Variants in FRYL observed in about 807,000 individuals in gnomAD.
The protein encoded by FRYL is FRY like transcription coactivator, also known as protein furry homolog-like.
In FRYL, 150 loss-of-function variants were observed where a neutral mutation model predicts 351.2. That is an observed-to-expected ratio of 0.43 (90% CI 0.37 to 0.49). FRYL has a LOEUF of 0.49. FRYL is among the 20% of genes least tolerant of loss of function. The pLI is 0.00. For synonymous variants in FRYL, 1,153 were observed against 1,257.1 expected, an observed-to-expected ratio of 0.92 and a Z score of 1.75; for missense variants, 3,036 against 3,619.3, an observed-to-expected ratio of 0.84 and a Z score of 4.13.
chr4:48,658,855 GA>G (rs11290262), intron 3 of FRYL, among the ~76,000 whole-genome samples: 111,356 of 150,724 alleles, frequency 0.74, 41,278 homozygotes, highest in South Asian at 0.85. Context: ...ATATAAACAA[GA>G]AAAAAAAAAC....
intron 1 of FRYL, among the ~76,000 whole-genome samples, chr4:48,737,383 T>C (rs143597617): frequency 2.5e-4 from 38 of 152,198 alleles, no homozygotes; most frequent in Admixed American, 2.5e-3. Flanking sequence ...ATAATTGAGA[T>C]TAAATGAGCC....
At chr4:48,559,084 C>T (rs1197196381) in intron 33 of FRYL, among the ~76,000 whole-genome samples, 5 of 152,086 alleles carry the variant, frequency 3.3e-5, no homozygotes, top group Admixed American at 6.5e-5. Flanking sequence ...ATTTCTTATT[C>T]GGTAAAAAGA....
At chr4:48,653,906 C>A (rs1758245525) in intron 3 of FRYL, 2 of 1,249,594 alleles carry the variant, frequency 1.6e-6, no homozygotes, top group Non-Finnish European at 2.1e-6. Context: ...TTCTCACAGG[C>A]AGCAGAGTTT....
chr4:48,667,884 G>C (rs796891859), intron 3 of FRYL, among the ~76,000 whole-genome samples: 3 of 152,198 alleles, frequency 2.0e-5, no homozygotes, highest in Non-Finnish European at 4.4e-5. Context: ...CTGGCCTCAG[G>C]TGATCCACCC....
At chr4:48,626,237 CCT>C (rs563366600) in intron 4 of FRYL, among the ~76,000 whole-genome samples, 4 of 151,104 alleles carry the variant, frequency 2.6e-5, no homozygotes, top group African/African-American at 7.3e-5. Context: ...TGTCAATAAA[CCT>C]CTCTCTCTCT....
chr4:48,646,419 GA>G (rs1229346490), intron 3 of FRYL, among the ~76,000 whole-genome samples: 1 of 152,024 alleles, frequency 6.6e-6, no homozygotes, highest in African/African-American at 2.4e-5. Context: ...TTAAAAATTG[GA>G]AAATAGCATG....
chr4:48,612,497 CGTGT>C (rs10657991), intron 7 of FRYL, among the ~76,000 whole-genome samples: 120 of 150,068 alleles, frequency 8.0e-4, no homozygotes, highest in African/African-American at 1.8e-3. Flanking sequence ...TGTGTGTGCA[CGTGT>C]GTGTGTGTGT....
Position 48,522,965 on chromosome 4 carries a change from G to A in FRYL, c.7457C>T (p.Thr2486Ile), listed in dbSNP as rs746197376. 6.2e-7 allele frequency: 1 copy of A among 1,614,032 alleles called. No homozygotes were observed. Among genetic ancestry groups the A allele is most frequent in the Non-Finnish European group, 8.5e-7 (1 of 1,179,914 alleles). Residue 2486 changes from threonine (T) to isoleucine (I), a missense_variant, in exon 54 of 64, where the codon ACA becomes ATA. Physicochemically the swap from Thr to Ile is moderately conservative, Grantham distance 89 (BLOSUM62 -1). Transcript: ENST00000358350. ...PSLNLTNQED[T>I]DESSEEEAAL... ...CGCTTCTTCTTCCGAGGACTCATCT[G>A]TATCCTCCTGATTGGTGAGGTTCAG...
intron 1 of FRYL, among the ~76,000 whole-genome samples, chr4:48,756,354 T>C (rs1313015770): frequency 6.6e-6 from 1 of 152,140 alleles, no homozygotes; most frequent in Non-Finnish European, 1.5e-5. Context: ...AAGAGCACAT[T>C]CCTCACTCAA....
chr4:48,554,606 T>C (rs979215653), intron 35 of FRYL, among the ~76,000 whole-genome samples: 1 of 152,240 alleles, frequency 6.6e-6, no homozygotes, highest in Non-Finnish European at 1.5e-5. Flanking sequence ...CCCAAAGTGC[T>C]GGGATTACAG....
intron 3 of FRYL, among the ~76,000 whole-genome samples, chr4:48,671,709 C>T (rs1198953347): frequency 1.3e-5 from 2 of 150,374 alleles, no homozygotes; most frequent in Non-Finnish European, 3.0e-5. Context: ...AAAAATTAGC[C>T]GGGCCTGGTG....
intron 2 of FRYL, among the ~76,000 whole-genome samples, chr4:48,699,758 T>A (rs1033444258): frequency 2.6e-5 from 4 of 151,160 alleles, no homozygotes; most frequent in Admixed American, 6.7e-5. Flanking sequence ...CTTTTCCTTT[T>A]TCCTCCTCTA....
intron 1 of FRYL, among the ~76,000 whole-genome samples, chr4:48,726,113 G>A (rs1244628584): frequency 9.2e-5 from 14 of 152,196 alleles, no homozygotes; most frequent in Admixed American, 7.2e-4. Flanking sequence ...GCTTTTCTAA[G>A]ATATAAGTTC....
intron 4 of FRYL, among the ~76,000 whole-genome samples, chr4:48,630,786 G>A (rs1166075782): frequency 1.3e-5 from 2 of 152,070 alleles, no homozygotes; most frequent in African/African-American, 4.8e-5. Context: ...CATTTTAGTG[G>A]TAGATTAAAT....
At chr4:48,696,583 G>T (rs1766185376) in intron 2 of FRYL, among the ~76,000 whole-genome samples, 1 of 151,946 alleles carries the variant, frequency 6.6e-6, no homozygotes, top group Non-Finnish European at 1.5e-5. Flanking sequence ...TGCATGTGGG[G>T]CTTAAAACCT....
intron 1 of FRYL, among the ~76,000 whole-genome samples, chr4:48,756,549 C>T (rs185765631): frequency 1.8e-4 from 27 of 152,098 alleles, no homozygotes; most frequent in Admixed American, 1.7e-3. Flanking sequence ...AGAGAAGTGA[C>T]CCCTCTCATA....
At chr4:48,692,205 T>A (rs763038236) in intron 2 of FRYL, among the ~76,000 whole-genome samples, 1 of 152,222 alleles carries the variant, frequency 6.6e-6, no homozygotes, top group Non-Finnish European at 1.5e-5. Flanking sequence ...TCTTGTGACC[T>A]GGAGCAAAGT....
At chr4:48,655,267 A>G (rs1421968190) in intron 3 of FRYL, among the ~76,000 whole-genome samples, 1 of 152,160 alleles carries the variant, frequency 6.6e-6, no homozygotes, top group African/African-American at 2.4e-5. Context: ...AAGTAAATTC[A>G]AATCAGGAAG....
At chr4:48,593,422 G>A (rs901212155) in intron 16 of FRYL, among the ~76,000 whole-genome samples, 5 of 151,794 alleles carry the variant, frequency 3.3e-5, no homozygotes, top group Non-Finnish European at 5.9e-5. Context: ...TCGACTCACC[G>A]CAACCTCTGC....
Sources: gnomAD v4.1 joint callset for allele counts (sites outside exome capture counted in the v4.1 genomes callset) on GRCh38, gnomAD v4.1.1 for gene constraint, MANE v1.5 for transcripts, NCBI Gene and HGNC (gene_info 2026-07-23, HGNC 2026-07-21) for gene names.